Variants in ARFGEF1 observed in about 807,000 individuals in gnomAD.
ARFGEF1 encodes ARF guanine nucleotide exchange factor 1.
A neutral mutation model predicts 231.0 loss-of-function variants in ARFGEF1; 42 were observed. That is an observed-to-expected ratio of 0.18 (90% CI 0.14 to 0.24). ARFGEF1 has a LOEUF of 0.24. Ranked by LOEUF, ARFGEF1 falls within the 10% of genes least tolerant of loss-of-function variation. The pLI is 1.00. For missense variants in ARFGEF1, 1,345 were observed against 2,192.0 expected, an observed-to-expected ratio of 0.61 and a Z score of 7.72; for synonymous variants, 710 against 732.3, an observed-to-expected ratio of 0.97 and a Z score of 0.49.
At chr8:67,313,609 T>C (rs962751603) in intron 1 of ARFGEF1, among the ~76,000 whole-genome samples, 8 of 152,202 alleles carry the variant, frequency 5.3e-5, no homozygotes, top group African/African-American at 1.7e-4. Context: ...TACTGAGGCT[T>C]GTCTGAACAA....
chr8:67,200,270 G>T, intron 38 of ARFGEF1, 126 bp downstream of exon 38: 1 of 751,722 alleles, frequency 1.3e-6, no homozygotes, highest in Non-Finnish European at 2.4e-6. Context: ...CTTTGCACAA[G>T]CAGCAGTGCA....
At chr8:67,208,503 G>A (rs1369021946) in intron 34 of ARFGEF1, among the ~76,000 whole-genome samples, 3 of 151,880 alleles carry the variant, frequency 2.0e-5, no homozygotes, top group African/African-American at 7.3e-5. Flanking sequence ...AGTGGCATGT[G>A]CCTGTAATCC....
chr8:67,222,180 C>CAT (rs776083859), intron 29 of ARFGEF1, among the ~76,000 whole-genome samples: 3 of 86,464 alleles, frequency 3.5e-5, no homozygotes, highest in Non-Finnish European at 6.5e-5. Context: ...TATATATATA[C>CAT]ACATATATAT....
intron 5 of ARFGEF1, among the ~76,000 whole-genome samples, chr8:67,178,796 G>A (rs771423169): frequency 9.2e-5 from 14 of 152,298 alleles, no homozygotes; most frequent in Admixed American, 2.0e-4. Flanking sequence ...CATGGGGCAG[G>A]GGGTGACGAG....
rs763073979 is a variant in ARFGEF1 at position 67,271,740 on chromosome 8, A to G, written c.1534T>C (p.Leu512=). Residue 512 remains leucine (L), a synonymous_variant, in exon 10 of 39, where the codon TTG becomes CTG. Coordinates refer to ENST00000262215, the MANE Select transcript of ARFGEF1 (RefSeq NM_006421.5). The stretch of plus-strand genomic sequence containing the variant: ...TTCAGATGTGTCTTGAAATTTGACA[A>G]CAAAGTAAGAAATATAGAAAGAGAA... ...ELSLSIFLTL[L]SNFKTHLKMQ... 34 of 1,613,452 alleles carry G rather than the reference A, an allele frequency of 2.1e-5. No individual in the cohort carries two copies. The highest frequency in any genetic ancestry group is 2.8e-5 in the Non-Finnish European group (33 of 1,179,800).
intron 14 of ARFGEF1, among the ~76,000 whole-genome samples, chr8:67,264,841 C>T (rs1432020676): frequency 2.0e-5 from 3 of 152,258 alleles, no homozygotes; most frequent in South Asian, 2.1e-4. Flanking sequence ...TTACTCTGTA[C>T]GACACTCTTT....
intron 5 of ARFGEF1, among the ~76,000 whole-genome samples, chr8:67,182,232 A>C (rs1026999167): frequency 6.6e-6 from 1 of 151,936 alleles, no homozygotes; most frequent in Non-Finnish European, 1.5e-5. Context: ...CGAACTCTTG[A>C]GCTTAAGTGA....
In ARFGEF1 at chr8:67,222,459, T is replaced by A. The variant is rs1280703156; in HGVS notation, c.4208+2444A>T. On this transcript the variant is annotated intron_variant, in intron 29 of 38. Transcript: ENST00000262215. ...TTTTGTATTTGTATTTTTTAATTTT[T>A]ATTTTTATTTTGAGACAGAGTCTCA... Among the ~76,000 whole-genome samples, 5 of 151,734 alleles carry A rather than the reference T, an allele frequency of 3.3e-5. No individual in the cohort carries two copies. The East Asian group carries it at 7.7e-4, about 23-fold the overall frequency.
intron 36 of ARFGEF1, chr8:67,201,896 G>A (rs551435054): frequency 2.0e-5 from 7 of 341,928 alleles, no homozygotes; most frequent in East Asian, 9.5e-5. Context: ...CTCTGCCTGC[G>A]CCAGGGGCCT....
chr8:67,199,684 A>G (rs1293458560), intron 38 of ARFGEF1: 10 of 154,916 alleles, frequency 6.5e-5, no homozygotes, highest in Admixed American at 6.3e-4. Flanking sequence ...CCAAAAAAAA[A>G]AAAGCCAGCT....
At chr8:67,266,782 T>C in intron 13 of ARFGEF1, 94 bp downstream of exon 13, 1 of 811,946 alleles carries the variant, frequency 1.2e-6, no homozygotes, top group Non-Finnish European at 1.9e-6. Context: ...TGAATAAATA[T>C]GTCATGAAAT....
chr8:67,220,072 G>T (rs1839095193), intron 29 of ARFGEF1, among the ~76,000 whole-genome samples: 1 of 152,206 alleles, frequency 6.6e-6, no homozygotes, highest in South Asian at 2.1e-4. Flanking sequence ...CTCCATGAGG[G>T]GAGGGGTCTG....
chr8:67,251,430 T>A lies in ARFGEF1; in HGVS notation c.2719A>T (p.Arg907Ter). 1 of 1,606,678 alleles carries A rather than the reference T, an allele frequency of 6.2e-7. No homozygotes were observed. The highest frequency in any genetic ancestry group is 8.5e-7 in the Non-Finnish European group (1 of 1,176,396). The change falls in exon 19 of 39, where the codon AGA becomes TGA. Residue 907 changes from arginine (R) to a stop codon, truncating the protein, a stop_gained. Coordinates refer to ENST00000262215, the MANE Select transcript of ARFGEF1 (RefSeq NM_006421.5). LOFTEE classifies it high-confidence loss of function. ...ATTTCTAAGTTATACAGAAGTCTTC[T>A]TTGTTTTTCACTGGCTACATCTGAA... ...SKQNVASEKQ[R>*]RLLYNLEMEQ...
intron 24 of ARFGEF1, 41 bp downstream of exon 24, chr8:67,228,183 C>T (rs766671680): frequency 1.9e-6 from 3 of 1,607,786 alleles, no homozygotes; most frequent in East Asian, 4.5e-5. Context: ...GTTATTTTAG[C>T]CCCAAGCCAG....
intron 22 of ARFGEF1, among the ~76,000 whole-genome samples, chr8:67,238,040 T>C (rs1179442446): frequency 6.6e-6 from 1 of 152,178 alleles, no homozygotes; most frequent in Non-Finnish European, 1.5e-5. Context: ...GCCCCAACTA[T>C]TACCTGATAC....
At chr8:67,230,890 T>C (rs1234234931) in intron 23 of ARFGEF1, among the ~76,000 whole-genome samples, 1 of 152,070 alleles carries the variant, frequency 6.6e-6, no homozygotes, top group Non-Finnish European at 1.5e-5. Context: ...AGATTCCTAA[T>C]ACAAAAGTAG....
chr8:67,177,647 T>G lies in ARFGEF1; in HGVS notation c.561-2075A>C, dbSNP rs560210615. The G allele has an allele frequency of 2.0e-6, 3 of 1,525,228 alleles. No individual in the cohort carries two copies. The South Asian group carries it at 3.5e-5, about 18-fold the overall frequency. The allele number at this position is 1,525,228 out of a possible 1,614,324, so 94.5% of individuals were successfully genotyped here. ...TTTATATAGTAAGCATTTTCTGACCTTTTAATTTGCTTTTGTTCTCCATTG... is the reference window on the plus strand; with the variant it reads ...TTTATATAGTAAGCATTTTCTGACCGTTTAATTTGCTTTTGTTCTCCATTG... On this transcript the variant is annotated intron_variant, in intron 5 of 5. Coordinates refer to the ARFGEF1 transcript ENST00000518789.
At chr8:67,275,239 T>C (rs977869457) in intron 9 of ARFGEF1, among the ~76,000 whole-genome samples, 4 of 36,218 alleles carry the variant, frequency 1.1e-4, no homozygotes, top group Admixed American at 3.5e-4. Flanking sequence ...CAATACATCA[T>C]GCTGCAATAT....
At chr8:67,230,781 T>G (rs1468737775) in intron 23 of ARFGEF1, among the ~76,000 whole-genome samples, 1 of 152,036 alleles carries the variant, frequency 6.6e-6, no homozygotes, top group African/African-American at 2.4e-5. Context: ...TTGGTCTAAT[T>G]TAACAACACA....
Sources: allele counts gnomAD v4.1 joint callset (sites outside exome capture counted in the v4.1 genomes callset), GRCh38; gene constraint gnomAD v4.1.1; transcripts MANE v1.5; gene names NCBI Gene and HGNC (gene_info 2026-07-23, HGNC 2026-07-21).